OPCML: variants seen among roughly 807,000 people sequenced by gnomAD.
OPCML encodes opioid binding protein/cell adhesion molecule like, also known as opioid-binding protein/cell adhesion molecule.
Under a neutral mutation model 37.8 loss-of-function variants are expected in OPCML, and 13 were observed. The observed-to-expected ratio is 0.34, with a 90% CI of 0.22 to 0.55. The LOEUF is 0.55. OPCML is among the 20% of genes least tolerant of loss of function. OPCML has a pLI of 0.91. For synonymous variants in OPCML, 176 were observed against 168.8 expected (o/e 1.04, Z -0.33); for missense variants, 341 against 435.6 (o/e 0.78, Z 1.93).
At chr11:133,128,474 A>C (rs1213310764) in intron 1 of OPCML, among the ~76,000 whole-genome samples, 3 of 151,800 alleles carry the variant, frequency 2.0e-5, no homozygotes, top group Non-Finnish European at 4.4e-5. Context: ...TTTCTGTACC[A>C]CTCCCTGAGC....
chr11:132,605,968 T>G (rs1456090831), intron 3 of OPCML, among the ~76,000 whole-genome samples: 1 of 152,214 alleles, frequency 6.6e-6, no homozygotes, highest in Non-Finnish European at 1.5e-5. Flanking sequence ...AGCAGCAGCA[T>G]ACTTCTCCAG....
chr11:132,967,600 ATATAT>A (rs1157820876), intron 1 of OPCML, among the ~76,000 whole-genome samples: 2 of 152,148 alleles, frequency 1.3e-5, no homozygotes, highest in African/African-American at 4.8e-5. Context: ...TTACATTTCT[ATATAT>A]TATAAGCACA....
chr11:132,956,663 T>C (rs1188902624), intron 1 of OPCML, among the ~76,000 whole-genome samples: 3 of 152,204 alleles, frequency 2.0e-5, no homozygotes, highest in African/African-American at 7.2e-5. Context: ...CAACAGTATC[T>C]TGGATCTGTC....
At chr11:133,101,068 G>A (rs765900032) in intron 1 of OPCML, among the ~76,000 whole-genome samples, 1 of 152,116 alleles carries the variant, frequency 6.6e-6, no homozygotes, top group Non-Finnish European at 1.5e-5. Flanking sequence ...GGGACTACAG[G>A]TGCCCACTGT....
In OPCML at chr11:133,184,426, G is replaced by A. The variant is rs148189549; in HGVS notation, c.62-241416C>T. Among the ~76,000 whole-genome samples the A allele has an allele frequency of 7.4e-4, 112 of 152,186 alleles. 1 individual carries two copies. Among genetic ancestry groups the A allele is most frequent in the African/African-American group, 2.6e-3 (108 of 41,534 alleles). On this transcript the variant is annotated intron_variant, in intron 1 of 7. Coordinates refer to ENST00000524381, the MANE Select transcript of OPCML (RefSeq NM_001012393.5). ...ATGGGAAGGTTATGAATGAGGTACC[G>A]CTGGCATGGGATGGGGAAGGGGTGG...
chr11:132,465,821 C>CT (rs546575689), intron 4 of OPCML, among the ~76,000 whole-genome samples: 21 of 152,170 alleles, frequency 1.4e-4, no homozygotes, highest in African/African-American at 3.6e-4. Context: ...ATGTTTAACT[C>CT]TTTTTGGAAT....
chr11:133,242,239 T>A (rs1455792981), intron 1 of OPCML, among the ~76,000 whole-genome samples: 1 of 152,090 alleles, frequency 6.6e-6, no homozygotes, highest in South Asian at 2.1e-4. Flanking sequence ...GATTACCACA[T>A]CACCAGGAGA....
At chr11:133,092,087 T>C (rs1007424083) in intron 1 of OPCML, among the ~76,000 whole-genome samples, 2 of 152,032 alleles carry the variant, frequency 1.3e-5, no homozygotes, top group Non-Finnish European at 2.9e-5. Flanking sequence ...TGAAAAAGCT[T>C]GAGGGGGTGA....
At chr11:132,454,720 A>G (rs939472742) in intron 4 of OPCML, among the ~76,000 whole-genome samples, 2 of 152,332 alleles carry the variant, frequency 1.3e-5, no homozygotes, top group South Asian at 2.1e-4. Flanking sequence ...TTCAGATCCA[A>G]TCTAGCCTAC....
chr11:133,195,295 T>C (rs1444134786), intron 1 of OPCML, among the ~76,000 whole-genome samples: 1 of 152,154 alleles, frequency 6.6e-6, no homozygotes, highest in Admixed American at 6.5e-5. Context: ...AGAAGTCTCC[T>C]CCTGTATTGT....
chr11:132,931,763 A>C (rs1945210694), intron 2 of OPCML, among the ~76,000 whole-genome samples: 1 of 152,256 alleles, frequency 6.6e-6, no homozygotes, highest in Non-Finnish European at 1.5e-5. Flanking sequence ...TCCTCAAAAA[A>C]ATTAAACATA....
intron 4 of OPCML, among the ~76,000 whole-genome samples, chr11:132,504,238 A>G (rs2096251651): frequency 6.6e-6 from 1 of 152,218 alleles, no homozygotes; most frequent in Admixed American, 6.5e-5. Context: ...AAAGATTTCA[A>G]AGAAGACAAG....
At chr11:132,631,352 C>CATATAT (rs61450463) in intron 3 of OPCML, among the ~76,000 whole-genome samples, 4,634 of 142,564 alleles carry the variant, frequency 0.033, 87 homozygotes, top group Middle Eastern at 0.046. Flanking sequence ...ACCATATATA[C>CATATAT]ATATATATAT....
chr11:132,501,581 CA>C (rs1565617225), intron 4 of OPCML, among the ~76,000 whole-genome samples: 1 of 152,206 alleles, frequency 6.6e-6, no homozygotes, highest in Non-Finnish European at 1.5e-5. Flanking sequence ...GACAGTCTTG[CA>C]TGCCAAGAGG....
At chr11:132,533,184 C>A (rs1426940476) in intron 3 of OPCML, among the ~76,000 whole-genome samples, 1 of 152,134 alleles carries the variant, frequency 6.6e-6, no homozygotes, top group Non-Finnish European at 1.5e-5. Flanking sequence ...CGCTATTGAG[C>A]CTTCCCTGCT....
Position 133,425,418 on chromosome 11 carries a change from C to A in OPCML, c.61+106846G>T, listed in dbSNP as rs906613358. Reference sequence around the variant, plus strand: ...GCCCTTCCGCAATTGTGAAACATGGCAGCTTTTGTTGAGCTCTTCTGTGAC... The same window carrying A: ...GCCCTTCCGCAATTGTGAAACATGGAAGCTTTTGTTGAGCTCTTCTGTGAC... On this transcript the variant is annotated intron_variant, in intron 1 of 7. Transcript: ENST00000524381. 3.9e-5 allele frequency among the ~76,000 whole-genome samples: 6 copies of A among 152,306 alleles called. No individual in the cohort carries two copies. In the South Asian group the frequency reaches 1.2e-3, roughly 32 times the overall value.
chr11:133,300,924 T>A (rs1193329108), intron 1 of OPCML: 1 of 151,904 alleles, frequency 6.6e-6, no homozygotes, highest in Non-Finnish European at 1.5e-5. Flanking sequence ...CTCCTGAGAG[T>A]CTCCAGGAGT....
chr11:133,009,019 T>C, intron 1 of OPCML: 2 of 985,464 alleles, frequency 2.0e-6, no homozygotes, highest in Non-Finnish European at 2.4e-6. Context: ...TTGACATCTG[T>C]TTCAAGTTTT....
At chr11:133,261,836 T>C (rs1941504821) in intron 1 of OPCML, among the ~76,000 whole-genome samples, 1 of 152,178 alleles carries the variant, frequency 6.6e-6, no homozygotes, top group Non-Finnish European at 1.5e-5. Context: ...GGCTGAGCGG[T>C]GGCTCTAGTG....
Sources: gnomAD v4.1 joint callset for allele counts (sites outside exome capture counted in the v4.1 genomes callset) on GRCh38, gnomAD v4.1.1 for gene constraint, MANE v1.5 for transcripts, NCBI Gene and HGNC (gene_info 2026-07-23, HGNC 2026-07-21) for gene names.